The following PHC2 variants were observed in gnomAD, a reference collection of about 807,000 sequenced individuals.
The protein encoded by PHC2 is polyhomeotic homolog 2, also known as polyhomeotic-like protein 2.
PHC2 carries 29 observed loss-of-function variants against 87.4 expected under a neutral mutation model. That is an observed-to-expected ratio of 0.33 (90% CI 0.25 to 0.45). PHC2 has a LOEUF of 0.45. PHC2 is among the 20% of genes least tolerant of loss of function. The pLI, the probability that PHC2 is intolerant of heterozygous loss-of-function variation, is 1.00. For synonymous variants in PHC2, 438 were observed against 461.7 expected, an observed-to-expected ratio of 0.95 and a Z score of 0.66; for missense variants, 857 against 1,136.7, an observed-to-expected ratio of 0.75 and a Z score of 3.54.
chr1:33,410,640 C>T (rs1255380480), intron 1 of PHC2, among the ~76,000 whole-genome samples: 2 of 152,144 alleles, frequency 1.3e-5, no homozygotes, highest in Non-Finnish European at 2.9e-5. Flanking sequence ...AGGCAATGGG[C>T]AGACTAAGCC....
chr1:33,376,521 G>A (rs1024961005), intron 1 of PHC2, among the ~76,000 whole-genome samples: 1 of 152,214 alleles, frequency 6.6e-6, no homozygotes, highest in African/African-American at 2.4e-5. Flanking sequence ...GTGATCTCAT[G>A]GATCACCTCT....
chr1:33,334,034 C>G lies in PHC2; in HGVS notation c.1761+56G>C. The G allele has an allele frequency of 6.9e-7, 1 of 1,442,806 alleles. No individual in the cohort carries two copies. 89.4% of individuals were successfully genotyped at this position (1,442,806 alleles called of 1,614,324 possible). A position where few individuals can be genotyped will look rare whatever the true frequency, so the allele number is the denominator to read the frequency against. ...TTTTACATGGAAATGTAAAAATATT[C>G]TAAGACACATCCAAAATATACTTAA... On this transcript the variant is annotated intron_variant, in intron 10 of 14. Transcript: ENST00000683057. This position sits in a 1 kb window ranked among gnomAD's most constrained non-coding sequence, Gnocchi z 5.5.
At position 33,375,602 on chromosome 1, in the gene PHC2, G is replaced by A; in HGVS notation, c.-54-9C>T. 2.1e-6 allele frequency: 3 copies of A among 1,409,048 alleles called. No individual in the cohort carries two copies. The highest frequency in any genetic ancestry group is 2.8e-6 in the Non-Finnish European group (3 of 1,067,506). 87.3% of individuals were successfully genotyped at this position (1,409,048 alleles called of 1,614,324 possible). Reference sequence around the variant, plus strand: ...AGAAGGGCAGGCAGATGCTAGGAGGGAAGAGGCAGAAGTGAATGTTTTGAC... The same window carrying A: ...AGAAGGGCAGGCAGATGCTAGGAGGAAAGAGGCAGAAGTGAATGTTTTGAC... On this transcript the variant is annotated splice_polypyrimidine_tract_variant and intron_variant, in intron 1 of 14. Transcript: ENST00000683057.
At chr1:33,372,536 C>T in intron 2 of PHC2, 89 bp from the exon 3 acceptor site, 1 of 1,207,378 alleles carries the variant, frequency 8.3e-7, no homozygotes. Flanking sequence ...CCCCAGGTCT[C>T]TATAACTGCT....
chr1:33,375,747 C>T (rs1474909355), intron 1 of PHC2, among the ~76,000 whole-genome samples, 154 bp from the exon 2 acceptor site: 4 of 152,330 alleles, frequency 2.6e-5, no homozygotes, highest in South Asian at 4.1e-4. Context: ...GTACTGAACA[C>T]GTAAACTTTT....
chr1:33,429,097 C>T (rs1394273764), intron 1 of PHC2, among the ~76,000 whole-genome samples: 1 of 152,208 alleles, frequency 6.6e-6, no homozygotes, highest in Non-Finnish European at 1.5e-5. Context: ...AGATTTGCCC[C>T]TCTCAGATGC....
intron 9 of PHC2, among the ~76,000 whole-genome samples, chr1:33,352,089 C>T (rs1430499223): frequency 6.6e-6 from 1 of 151,894 alleles, no homozygotes; most frequent in Non-Finnish European, 1.5e-5. Context: ...TGTATATCAC[C>T]ATGATTAGAT....
rs1647892579 is a variant in PHC2, at chr1:33,372,236, C to T, written c.333+53G>A. 3.4e-6 allele frequency: 5 copies of T among 1,473,176 alleles called. No homozygotes were observed. In the Admixed American group the frequency reaches 1.1e-4, roughly 33 times the overall value. 91.3% of individuals were successfully genotyped at this position (1,473,176 alleles called of 1,614,324 possible). A position where few individuals can be genotyped will look rare whatever the true frequency, so the allele number is the denominator to read the frequency against. ...CGGTGCCTGCTTCCTCTCCCTTTTG[C>T]TTCCACAACCAGGATGCCTGGCACC... is the stretch of plus-strand genomic sequence containing the variant. On this transcript the variant is annotated intron_variant, in intron 3 of 14. Transcript: ENST00000683057.
chr1:33,355,073 G>A lies in PHC2; in HGVS notation c.1157C>T (p.Ala386Val), dbSNP rs1320220099. The A allele has an allele frequency of 6.2e-7, 1 of 1,612,900 alleles. No individual in the cohort carries two copies. The highest frequency in any genetic ancestry group is 8.5e-7 in the Non-Finnish European group (1 of 1,179,614). Residue 386 changes from alanine to valine, a missense_variant, in exon 8 of 15, where the codon GCC becomes GTC. Around this residue, in one of 3 missense-constraint regions of PHC2, gnomAD observed 832 missense variants for 1,081.8 expected, o/e 0.77. Transcript: ENST00000683057. ...ATGGGCCTCTGAGCTGGGCTGGAGGGCCACGCTTGGAGAGACTGAGGCGAG... is the reference window on the plus strand; with the variant it reads ...ATGGGCCTCTGAGCTGGGCTGGAGGACCACGCTTGGAGAGACTGAGGCGAG... ...PQLASVSPSV[A>V]LQPSSEAHAM...
Position 33,325,030 on chromosome 1 carries a change from A to AC in PHC2, c.2426-12dup. On this transcript the variant is annotated splice_polypyrimidine_tract_variant and intron_variant, in intron 14 of 14. Coordinates refer to ENST00000683057, the MANE Select transcript of PHC2 (RefSeq NM_001385109.1). ...CTATCTCCTGGCAGCCTGAGGGGGT[A>AC]CCACCAAAGACAGTGTCAATCCAAG... 1 of 1,597,598 alleles carries AC rather than the reference A, an allele frequency of 6.3e-7. No homozygotes were observed. Among genetic ancestry groups the AC allele is most frequent in the African/African-American group, 1.3e-5 (1 of 74,798 alleles).
rs1646912833 is a variant in PHC2, at chr1:33,349,384, G to A, written c.1558+5017C>T. 1.4e-5 allele frequency: 14 copies of A among 985,418 alleles called. No individual in the cohort carries two copies. Among genetic ancestry groups the A allele is most frequent in the Non-Finnish European group, 1.6e-5 (13 of 829,954 alleles). 61.0% of individuals were successfully genotyped at this position (985,418 alleles called of 1,614,324 possible). ...GCGCCGAGGTGACACGGCTTCCAGG[G>A]GCGACGGGCGCGCAGGGTCCCCAGG... is the stretch of plus-strand genomic sequence containing the variant. On this transcript the variant is annotated intron_variant, in intron 9 of 14. Coordinates refer to ENST00000683057, the MANE Select transcript of PHC2 (RefSeq NM_001385109.1). The surrounding 1 kb of genome is among the most constrained non-coding windows in gnomAD (Gnocchi z 4.2).
chr1:33,403,695 T>C (rs150231355), intron 1 of PHC2, among the ~76,000 whole-genome samples: 3,949 of 152,272 alleles, frequency 0.026, 69 homozygotes, highest in African/African-American at 0.037. Flanking sequence ...TCAGATTCCA[T>C]CTCCACTCTG....
rs1647043025 is a variant in PHC2 at position 33,355,000 on chromosome 1, G to A, written c.1230C>T (p.Pro410=). 1 of 1,614,070 alleles carries A rather than the reference G, an allele frequency of 6.2e-7. No homozygotes were observed. Among genetic ancestry groups the A allele is most frequent in the Admixed American group, 1.7e-5 (1 of 60,010 alleles). ...PVTPALPLQC[P]TANLHKPGGS... ...CGCCAGGCTTGTGCAGGTTGGCAGTGGGACACTGGAGTGGCAGGGCGGGTG... is the reference window on the plus strand; with the variant it reads ...CGCCAGGCTTGTGCAGGTTGGCAGTAGGACACTGGAGTGGCAGGGCGGGTG... The change falls in exon 8 of 15, where the codon CCC becomes CCT. Residue 410 remains proline, a synonymous_variant. Coordinates refer to ENST00000683057, the MANE Select transcript of PHC2 (RefSeq NM_001385109.1).
At chr1:33,387,314 C>T (rs1209542511) in intron 1 of PHC2, among the ~76,000 whole-genome samples, 1 of 152,164 alleles carries the variant, frequency 6.6e-6, no homozygotes, top group South Asian at 2.1e-4. Context: ...ATGCTCCCCC[C>T]AGAGCTTCTT....
chr1:33,341,352 A>G (rs1338197520), intron 9 of PHC2, among the ~76,000 whole-genome samples: 3 of 152,230 alleles, frequency 2.0e-5, no homozygotes, highest in African/African-American at 7.2e-5. Flanking sequence ...GCACGAGGGC[A>G]CTTGGGAAAA....
At chr1:33,378,167 G>A (rs1300148932) in intron 1 of PHC2, among the ~76,000 whole-genome samples, 1 of 152,240 alleles carries the variant, frequency 6.6e-6, no homozygotes, top group Non-Finnish European at 1.5e-5. Context: ...AGGAATCAAT[G>A]AAGCAGCAAA....
Position 33,332,333 on chromosome 1 carries a change from A to G in PHC2, c.1833T>C (p.Leu611=), listed in dbSNP as rs1646519018. ...KYAQGFLPEK[L]PQQDHTTTTD... ...TGGTGGTGGTGTGATCCTGCTGTGG[A>G]AGTTTCTCAGGCAGGAACCCCTGTG... Residue 611 remains leucine, a synonymous_variant, in exon 11 of 15, where the codon CTT becomes CTC. Transcript: ENST00000683057. The surrounding 1 kb of genome is among the most constrained non-coding windows in gnomAD (Gnocchi z 4.2). 5 of 1,613,928 alleles carry G rather than the reference A, an allele frequency of 3.1e-6. No individual in the cohort carries two copies. In the Admixed American group the frequency reaches 5.0e-5, roughly 16 times the overall value.
intron 7 of PHC2, among the ~76,000 whole-genome samples, chr1:33,359,675 A>G (rs1194925549): frequency 1.3e-5 from 2 of 152,242 alleles, no homozygotes; most frequent in African/African-American, 2.4e-5. Flanking sequence ...ATGATAGGTG[A>G]TAAGCACAGA....
chr1:33,363,734 C>T (rs915052542), intron 7 of PHC2: 5 of 984,864 alleles, frequency 5.1e-6, no homozygotes, highest in Non-Finnish European at 6.0e-6. Context: ...TTTCTCCTCA[C>T]CTTTGGGCCT....
Sources: gnomAD v4.1 joint callset for allele counts (sites outside exome capture counted in the v4.1 genomes callset) on GRCh38, gnomAD v4.1.1 for gene constraint, gnomAD v4.1.1 regional missense constraint, Gnocchi (gnomAD v3.1) non-coding constraint, MANE v1.5 for transcripts, NCBI Gene and HGNC (gene_info 2026-07-23, HGNC 2026-07-21) for gene names.